The following NRG1 variants were observed in gnomAD, a reference collection of about 807,000 sequenced individuals.
The protein encoded by NRG1 is neuregulin 1.
Under a neutral mutation model 63.8 loss-of-function variants are expected in NRG1, and 18 were observed. The observed-to-expected ratio is 0.28, with a 90% confidence interval of 0.19 to 0.42. The LOEUF (loss-of-function observed/expected upper bound fraction) is 0.42. Ranked by LOEUF, NRG1 falls within the 10% of genes least tolerant of loss-of-function variation. The probability of loss-of-function intolerance (pLI) is 1.00; values close to 1 mark genes in which losing one functional copy is unlikely to be tolerated. For missense variants in NRG1, 762 were observed against 814.7 expected, an observed-to-expected ratio of 0.94 and a Z score of 0.79; for synonymous variants, 302 against 301.3, an observed-to-expected ratio of 1.00 and a Z score of -0.02.
chr8:32,375,316 C>G (rs1476095212), intron 1 of NRG1, among the ~76,000 whole-genome samples: 1 of 152,068 alleles, frequency 6.6e-6, no homozygotes, highest in Non-Finnish European at 1.5e-5. Context: ...CTGTGGTACT[C>G]TGTGGTGAGA....
chr8:32,143,245 G>GT (rs1031225796), intron 1 of NRG1, among the ~76,000 whole-genome samples: 5 of 151,740 alleles, frequency 3.3e-5, no homozygotes, highest in East Asian at 1.9e-4. Flanking sequence ...TTTTTTTTTG[G>GT]GGGGGGAAGA....
rs1344165008 is a variant in NRG1, at chr8:32,239,930, AAAC to A, written c.38-355897_38-355895del. On this transcript the variant is annotated intron_variant, in intron 1 of 10. Coordinates refer to the NRG1 transcript ENST00000519301. ...ACCAATTGCTGGAGAGGATGTGGAG[AAAC>A]TGGATCACTCATACATTGTTGATGG... is the stretch of plus-strand genomic sequence containing the variant. Among the ~76,000 whole-genome samples, 5 of 152,298 alleles carry A rather than the reference AAAC, an allele frequency of 3.3e-5. No individual in the cohort carries two copies. In the East Asian group the frequency reaches 9.6e-4, roughly 29 times the overall value.
intron 1 of NRG1, among the ~76,000 whole-genome samples, chr8:31,840,519 G>A (rs1826099240): frequency 6.6e-6 from 1 of 151,974 alleles, no homozygotes; most frequent in South Asian, 2.1e-4. Context: ...AGAATAAGTA[G>A]GCTACCTTGT....
chr8:32,129,191 G>A (rs1435053816), intron 1 of NRG1, among the ~76,000 whole-genome samples: 1 of 151,972 alleles, frequency 6.6e-6, no homozygotes, highest in African/African-American at 2.4e-5. Context: ...AGAAATATTT[G>A]TTGAATGACC....
intron 1 of NRG1, among the ~76,000 whole-genome samples, chr8:31,849,396 A>C (rs1203338613): frequency 6.6e-6 from 1 of 152,246 alleles, no homozygotes; most frequent in African/African-American, 2.4e-5. Context: ...TATCGTGAGC[A>C]CTAGTGCTTT....
intron 1 of NRG1, among the ~76,000 whole-genome samples, chr8:31,813,521 T>TTTTCTTTTCTTTTCTTTTCTTTTC (rs1267961663): frequency 2.4e-3 from 54 of 22,244 alleles, no homozygotes; most frequent in East Asian, 0.011. Context: ...CTTTTCTTTT[T>TTTTCTTTTCTTTTCTTTTCTTTTC]TTTTTTTTTT....
intron 5 of NRG1, among the ~76,000 whole-genome samples, chr8:32,646,168 A>C (rs1260804789): frequency 6.6e-6 from 1 of 152,100 alleles, no homozygotes; most frequent in Non-Finnish European, 1.5e-5. Flanking sequence ...TCTTTGGGTG[A>C]GATAGAATAA....
rs1840590173 is a variant in NRG1, at chr8:32,581,312, T to A, written c.101-14516T>A. Among the ~76,000 whole-genome samples, 4 of 152,344 alleles carry A rather than the reference T, an allele frequency of 2.6e-5. No individual in the cohort carries two copies. In the South Asian group the frequency reaches 8.3e-4, roughly 32 times the overall value. On this transcript the variant is annotated intron_variant, in intron 1 of 11. Coordinates refer to ENST00000356819, the Ensembl canonical transcript of NRG1. ...AGAAGAAGAATATAGAGCGTTCTAA[T>A]GTGTTTGGCTAGGAACAGACCATAT...
At position 31,878,909 on chromosome 8, in the gene NRG1, C is replaced by T. The variant is rs565974089; in HGVS notation, c.37+239478C>T. 5.1e-4 allele frequency among the ~76,000 whole-genome samples: 78 copies of T among 152,130 alleles called. 1 individual carries two copies. The highest frequency in any genetic ancestry group is 1.6e-3 in the African/African-American group (67 of 41,492). On this transcript the variant is annotated intron_variant, in intron 1 of 10. Coordinates refer to the NRG1 transcript ENST00000519301. ...AACATATAATCTTATGTAATGTCAT[C>T]ATGAAAGTGGCATCCTGTTGGCGGA... is the stretch of plus-strand genomic sequence containing the variant.
chr8:32,134,444 A>C (rs1397488364), intron 1 of NRG1, among the ~76,000 whole-genome samples: 1 of 152,176 alleles, frequency 6.6e-6, no homozygotes, highest in African/African-American at 2.4e-5. Flanking sequence ...GTACCAGAAG[A>C]TAATAAAAAG....
chr8:32,403,299 C>CAAAAAAAAA (rs68127664), intron 1 of NRG1, among the ~76,000 whole-genome samples: 3 of 89,800 alleles, frequency 3.3e-5, no homozygotes, highest in Admixed American at 1.2e-4. Flanking sequence ...CACTCTGTCT[C>CAAAAAAAAA]AAAAAAAAAA....
At chr8:31,969,764 T>G (rs1246047993) in intron 1 of NRG1, among the ~76,000 whole-genome samples, 1 of 152,294 alleles carries the variant, frequency 6.6e-6, no homozygotes, top group Admixed American at 6.5e-5. Context: ...AAAAACTCAA[T>G]AAGGAAAATT....
chr8:32,205,935 C>CA (rs5890627), intron 1 of NRG1, among the ~76,000 whole-genome samples: 5,560 of 131,738 alleles, frequency 0.042, 124 homozygotes, highest in Middle Eastern at 0.098. Context: ...CATCTCTCTA[C>CA]AAAAAAAAAA....
At chr8:32,314,272 GC>G (rs1159183843) in intron 1 of NRG1, among the ~76,000 whole-genome samples, 1 of 152,148 alleles carries the variant, frequency 6.6e-6, no homozygotes, top group Non-Finnish European at 1.5e-5. Flanking sequence ...AAATGGTCTG[GC>G]TTTACACCCC....
intron 1 of NRG1, among the ~76,000 whole-genome samples, chr8:32,135,265 A>G (rs1835360511): frequency 6.6e-6 from 1 of 152,202 alleles, no homozygotes. Context: ...ATGCTGAGGA[A>G]TAATGTGACT....
chr8:32,277,171 G>GT lies in NRG1; in HGVS notation c.38-318652dup, dbSNP rs535534858. On this transcript the variant is annotated intron_variant, in intron 1 of 10. Transcript: ENST00000519301. ...GTATGCATGCTATTGCAGAGGAAAT[G>GT]TTTTTATCTACCTCCCAAATAAGTA... 2.2e-4 allele frequency among the ~76,000 whole-genome samples: 34 copies of GT among 152,302 alleles called. 1 individual carries two copies. The highest frequency in any genetic ancestry group is 7.9e-4 in the African/African-American group (33 of 41,574).
At chr8:32,653,829 A>G (rs568346388) in intron 5 of NRG1, among the ~76,000 whole-genome samples, 8 of 152,306 alleles carry the variant, frequency 5.3e-5, no homozygotes, top group Admixed American at 5.2e-4. Flanking sequence ...TAGTTCTTAA[A>G]CTGAATAAAG....
chr8:32,150,771 A>G (rs961400697), intron 1 of NRG1, among the ~76,000 whole-genome samples: 3 of 152,198 alleles, frequency 2.0e-5, no homozygotes, highest in African/African-American at 2.4e-5. Flanking sequence ...CTTTCAGCAC[A>G]TGTTCAAGTA....
At chr8:31,809,738 ATTGT>A (rs1172351094) in intron 1 of NRG1, among the ~76,000 whole-genome samples, 6 of 83,042 alleles carry the variant, frequency 7.2e-5, no homozygotes, top group African/African-American at 2.6e-4. Context: ...CCTTCTATTA[ATTGT>A]TTTTTTTTTT....
Sources: gnomAD v4.1 joint callset for allele counts (sites outside exome capture counted in the v4.1 genomes callset) on GRCh38, gnomAD v4.1.1 for gene constraint, MANE v1.5 for transcripts, NCBI Gene and HGNC (gene_info 2026-07-23, HGNC 2026-07-21) for gene names.